Variants in ZNF804B observed in about 807,000 individuals in gnomAD.
ZNF804B encodes zinc finger protein 804B, also known as zinc finger 804B.
A neutral mutation model predicts 101.4 loss-of-function variants in ZNF804B; 80 were observed. That is an observed-to-expected ratio of 0.79 (90% CI 0.66 to 0.95). The LOEUF (loss-of-function observed/expected upper bound fraction) is 0.95, where lower values mean the gene tolerates loss of function less well. Ranked by LOEUF, ZNF804B falls within the 40% of genes least tolerant of loss-of-function variation. The pLI is 0.00. For missense variants in ZNF804B, 1,673 were observed against 1,561.9 expected (o/e 1.07, Z -1.20); for synonymous variants, 622 against 558.8 (o/e 1.11, Z -1.59).
chr7:88,844,135 T>C (rs1419100613), intron 1 of ZNF804B, among the ~76,000 whole-genome samples: 1 of 152,210 alleles, frequency 6.6e-6, no homozygotes, highest in Non-Finnish European at 1.5e-5. Context: ...ATTACAGATA[T>C]GATACCTCAA....
chr7:88,764,672 C>A (rs1214081948), intron 1 of ZNF804B, among the ~76,000 whole-genome samples: 2 of 152,064 alleles, frequency 1.3e-5, no homozygotes, highest in East Asian at 1.9e-4. Flanking sequence ...TGCAGTTAAA[C>A]CCTTGTCCTT....
intron 1 of ZNF804B, among the ~76,000 whole-genome samples, chr7:89,083,782 T>C (rs1282685650): frequency 6.6e-6 from 1 of 151,888 alleles, no homozygotes; most frequent in African/African-American, 2.4e-5. Flanking sequence ...AGTTTATACC[T>C]GAAAAAGAGT....
intron 1 of ZNF804B, among the ~76,000 whole-genome samples, chr7:88,782,183 G>A (rs1790239517): frequency 1.3e-5 from 2 of 151,720 alleles, no homozygotes; most frequent in South Asian, 2.1e-4. Flanking sequence ...GGGTTGGGGA[G>A]GAGAGGGTGA....
At chr7:88,836,284 A>G (rs17164629) in intron 1 of ZNF804B, among the ~76,000 whole-genome samples, 3,927 of 152,052 alleles carry the variant, frequency 0.026, 131 homozygotes, top group African/African-American at 0.072. Context: ...TAAATTCCAC[A>G]GAAGTTTTGA....
chr7:88,951,649 G>A (rs1463770571), intron 1 of ZNF804B, among the ~76,000 whole-genome samples: 3 of 151,726 alleles, frequency 2.0e-5, no homozygotes, highest in African/African-American at 7.3e-5. Context: ...AAAGGTTTCT[G>A]GGAAAAATAT....
intron 1 of ZNF804B, among the ~76,000 whole-genome samples, chr7:88,922,285 A>G (rs2115999522): frequency 6.6e-6 from 1 of 152,138 alleles, no homozygotes; most frequent in South Asian, 2.1e-4. Context: ...GAACTGTCAT[A>G]TTTCTGAATT....
At chr7:89,238,839 C>T (rs1789321057) in intron 2 of ZNF804B, among the ~76,000 whole-genome samples, 1 of 152,114 alleles carries the variant, frequency 6.6e-6, no homozygotes, top group South Asian at 2.1e-4. Flanking sequence ...TGAAGATGCC[C>T]TGGGTGTTGT....
At chr7:88,791,094 A>G (rs975188308) in intron 1 of ZNF804B, among the ~76,000 whole-genome samples, 1 of 152,128 alleles carries the variant, frequency 6.6e-6, no homozygotes, top group African/African-American at 2.4e-5. Context: ...AAAAAATTCT[A>G]TCAATGGAGA....
At chr7:89,135,720 G>C (rs1400660811) in intron 1 of ZNF804B, among the ~76,000 whole-genome samples, 3 of 151,864 alleles carry the variant, frequency 2.0e-5, no homozygotes, top group African/African-American at 4.8e-5. Context: ...AGTCAGACTG[G>C]ATTTTCAATA....
chr7:88,891,372 T>A (rs1205302253), intron 1 of ZNF804B, among the ~76,000 whole-genome samples: 1 of 152,094 alleles, frequency 6.6e-6, no homozygotes, highest in Non-Finnish European at 1.5e-5. Context: ...GTCTATTTTG[T>A]CCAATAATAA....
At chr7:88,929,303 T>A (rs1792849172) in intron 1 of ZNF804B, among the ~76,000 whole-genome samples, 1 of 151,318 alleles carries the variant, frequency 6.6e-6, no homozygotes, top group Admixed American at 6.6e-5. Context: ...AGTCAAAAAA[T>A]CTTAGTGAAT....
intron 1 of ZNF804B, among the ~76,000 whole-genome samples, chr7:88,788,705 A>C (rs1206137855): frequency 3.3e-5 from 5 of 152,160 alleles, no homozygotes; most frequent in Non-Finnish European, 5.9e-5. Context: ...ATATTTGTTA[A>C]ATGAATTAAT....
chr7:89,258,797 G>T (rs1029595714), intron 2 of ZNF804B, among the ~76,000 whole-genome samples: 2 of 151,898 alleles, frequency 1.3e-5, no homozygotes, highest in African/African-American at 4.8e-5. Flanking sequence ...TCATAGGAAA[G>T]AAAAAATATA....
At chr7:89,316,715 G>T (rs2115958036) in intron 2 of ZNF804B, among the ~76,000 whole-genome samples, 1 of 152,164 alleles carries the variant, frequency 6.6e-6, no homozygotes, top group Non-Finnish European at 1.5e-5. Context: ...GGCTAATGAT[G>T]GACTAGTTGA....
intron 2 of ZNF804B, among the ~76,000 whole-genome samples, chr7:89,285,918 C>T (rs958190715): frequency 1.4e-5 from 2 of 144,354 alleles, no homozygotes; most frequent in Non-Finnish European, 2.9e-5. Context: ...AATCCCTCTT[C>T]TTCTTCCTTC....
intron 1 of ZNF804B, among the ~76,000 whole-genome samples, chr7:89,019,835 T>C (rs1043501986): frequency 3.9e-5 from 6 of 152,086 alleles, no homozygotes; most frequent in African/African-American, 1.4e-4. Context: ...AACTTCACTT[T>C]ATATGTTTCT....
intron 1 of ZNF804B, among the ~76,000 whole-genome samples, chr7:88,883,322 T>G (rs1413310227): frequency 6.6e-6 from 1 of 152,128 alleles, no homozygotes; most frequent in Non-Finnish European, 1.5e-5. Flanking sequence ...TTTTTTTCTT[T>G]GTCTTCCACG....
At chr7:88,854,414 C>CCTTCCTTCCTTT (rs1232481883) in intron 1 of ZNF804B, among the ~76,000 whole-genome samples, 13 of 57,116 alleles carry the variant, frequency 2.3e-4, no homozygotes, top group African/African-American at 6.9e-4. Flanking sequence ...TTTCTTTCTT[C>CCTTCCTTCCTTT]CTTTCTTTCT....
At chr7:89,155,950 A>T (rs2040679) in intron 1 of ZNF804B, among the ~76,000 whole-genome samples, 60,643 of 141,800 alleles carry the variant, frequency 0.43, 12,970 homozygotes, top group Non-Finnish European at 0.49. Flanking sequence ...CTCCCTTCCT[A>T]CCTTCCCTCC....
Sources: gnomAD v4.1 joint callset for allele counts (sites outside exome capture counted in the v4.1 genomes callset) on GRCh38, gnomAD v4.1.1 for gene constraint, MANE v1.5 for transcripts, NCBI Gene and HGNC (gene_info 2026-07-23, HGNC 2026-07-21) for gene names.